MAP3K5: variants seen among roughly 807,000 people sequenced by gnomAD.
The protein encoded by MAP3K5 is mitogen-activated protein kinase kinase kinase 5.
Under a neutral mutation model 158.7 loss-of-function variants are expected in MAP3K5, and 56 were observed. The ratio of observed to expected loss-of-function variants is 0.35; its 90% CI spans 0.28 to 0.44. The LOEUF (loss-of-function observed/expected upper bound fraction) is 0.44, where lower values mean the gene tolerates loss of function less well. MAP3K5 is among the 20% of genes least tolerant of loss of function. MAP3K5 has a pLI of 1.00. For missense variants in MAP3K5, 1,294 were observed against 1,674.8 expected (o/e 0.77, Z 3.97); for synonymous variants, 579 against 601.7 (o/e 0.96, Z 0.55).
At chr6:136,700,817 G>C (rs376083306) in intron 3 of MAP3K5, among the ~76,000 whole-genome samples, 1 of 152,148 alleles carries the variant, frequency 6.6e-6, no homozygotes, top group African/African-American at 2.4e-5. Flanking sequence ...AAAAATCATA[G>C]AAAAAGGCAG....
At chr6:136,737,417 C>T (rs1181280854) in intron 1 of MAP3K5, among the ~76,000 whole-genome samples, 1 of 152,120 alleles carries the variant, frequency 6.6e-6, no homozygotes, top group African/African-American at 2.4e-5. Flanking sequence ...GCCAGCCACA[C>T]AGAGATGAAG....
At chr6:136,666,067 T>G (rs1222522995) in intron 8 of MAP3K5, among the ~76,000 whole-genome samples, 1 of 152,128 alleles carries the variant, frequency 6.6e-6, no homozygotes, top group Non-Finnish European at 1.5e-5. Context: ...TTAGCTAAAG[T>G]TTGAATATTA....
chr6:136,664,997 G>C (rs1469121456), intron 8 of MAP3K5, among the ~76,000 whole-genome samples: 1 of 152,080 alleles, frequency 6.6e-6, no homozygotes. Flanking sequence ...TCATAATAAA[G>C]TCCTAAGGGC....
At position 136,559,389 on chromosome 6, in the gene MAP3K5, C is replaced by A. The variant is rs28501354; in HGVS notation, c.3988-513G>T. On this transcript the variant is annotated intron_variant, in intron 28 of 29. Coordinates refer to ENST00000359015, the MANE Select transcript of MAP3K5 (RefSeq NM_005923.4). ...ACAAAAACAAAAACAAAAACAAAAA[C>A]AAGAAATGCATCCATATTAACTTCC... 5.9e-5 allele frequency among the ~76,000 whole-genome samples: 6 copies of A among 102,202 alleles called. No homozygotes were observed. In the East Asian group the frequency reaches 1.3e-3, roughly 23 times the overall value. The allele number at this position is 102,202 out of a possible 152,430, so 67.0% of individuals were successfully genotyped here.
chr6:136,652,982 G>C (rs1778585803), intron 10 of MAP3K5, among the ~76,000 whole-genome samples: 1 of 152,140 alleles, frequency 6.6e-6, no homozygotes. Flanking sequence ...ATATATTCTT[G>C]CTTTTAGTTC....
In MAP3K5 at chr6:136,611,377, A is replaced by G; in HGVS notation, c.2426T>C (p.Val809Ala). 6.3e-7 allele frequency: 1 copy of G among 1,592,690 alleles called. No individual in the cohort carries two copies. The highest frequency in any genetic ancestry group is 1.3e-5 in the African/African-American group (1 of 74,586). Residue 809 changes from valine (V) to alanine (A), a missense_variant, in exon 18 of 30, where the codon GTG becomes GCG. Val to Ala is a moderately conservative substitution (Grantham distance 64, BLOSUM62 0). This residue lies in a region of MAP3K5 where 362 missense variants were observed against 463.2 expected (regional missense o/e 0.78). Coordinates refer to ENST00000359015, the MANE Select transcript of MAP3K5 (RefSeq NM_005923.4). ...IVHRDIKGDN[V>A]LINTYSGVLK... is the part of the protein sequence containing the mutation. Reference sequence around the variant, plus strand: ...AACACCACTGTAGGTATTAATCAACACATTGTCACCCTAGAGAACAGAGGA... The same window carrying G: ...AACACCACTGTAGGTATTAATCAACGCATTGTCACCCTAGAGAACAGAGGA...
chr6:136,705,051 A>G, intron 3 of MAP3K5, 59 bp downstream of exon 3: 1 of 800,176 alleles, frequency 1.2e-6, no homozygotes. Flanking sequence ...AATACCAAAG[A>G]TTAGTTAATG....
intron 26 of MAP3K5, among the ~76,000 whole-genome samples, chr6:136,564,712 A>T (rs1215417222): frequency 1.3e-5 from 2 of 152,238 alleles, no homozygotes; most frequent in Non-Finnish European, 2.9e-5. Context: ...AAAGTGAATG[A>T]AATATGGCCT....
intron 29 of MAP3K5, 57 bp downstream of exon 29, chr6:136,558,743 C>T: frequency 3.5e-6 from 4 of 1,150,974 alleles, no homozygotes; most frequent in Non-Finnish European, 5.2e-6. Flanking sequence ...GATACTCAGA[C>T]TTTTTGATAT....
At chr6:136,629,734 G>A (rs945723097) in intron 14 of MAP3K5, among the ~76,000 whole-genome samples, 6 of 150,198 alleles carry the variant, frequency 4.0e-5, no homozygotes, top group Non-Finnish European at 7.4e-5. Flanking sequence ...GATTACAGGT[G>A]TGAGCCATGG....
chr6:136,768,575 C>T (rs1031990443), intron 1 of MAP3K5, among the ~76,000 whole-genome samples: 3 of 152,138 alleles, frequency 2.0e-5, no homozygotes, highest in African/African-American at 4.8e-5. Context: ...GAAACTGGAA[C>T]CTTCATTCAT....
At chr6:136,621,388 C>T (rs1776793464) in intron 15 of MAP3K5, among the ~76,000 whole-genome samples, 1 of 152,106 alleles carries the variant, frequency 6.6e-6, no homozygotes, top group Admixed American at 6.5e-5. Context: ...AATCTGATAA[C>T]TCTAATATCC....
chr6:136,603,044 A>T (rs978204351), intron 19 of MAP3K5, among the ~76,000 whole-genome samples: 2 of 152,186 alleles, frequency 1.3e-5, no homozygotes, highest in African/African-American at 4.8e-5. Flanking sequence ...GCTTATGTAA[A>T]TTCATTGTAA....
intron 1 of MAP3K5, among the ~76,000 whole-genome samples, chr6:136,786,997 G>A (rs997283841): frequency 2.6e-5 from 4 of 151,918 alleles, no homozygotes; most frequent in Non-Finnish European, 5.9e-5. Flanking sequence ...TGTTTCCCAT[G>A]TAAACGTTGA....
At position 136,592,493 on chromosome 6, in the gene MAP3K5, T is replaced by A. The variant is rs1469784853; in HGVS notation, c.3000A>T (p.Thr1000=). 6.2e-7 allele frequency: 1 copy of A among 1,614,006 alleles called. No homozygotes were observed. Among genetic ancestry groups the A allele is most frequent in the Non-Finnish European group, 8.5e-7 (1 of 1,180,016 alleles). The change falls in exon 22 of 30, where the codon ACA becomes ACT. Residue 1000 remains threonine, a synonymous_variant. Transcript: ENST00000359015. ...ELKVDPFSFK[T]RAKSCGERDV... ...CTCTTTCTCCGCAGGACTTGGCTCT[T>A]GTTTTGAAAGAGAAGGGGTCCACTT...
intron 21 of MAP3K5, 134 bp downstream of exon 21, chr6:136,600,888 G>T: frequency 1.3e-6 from 1 of 771,306 alleles, no homozygotes; most frequent in Non-Finnish European, 2.1e-6. Context: ...CATCCTTATA[G>T]TATCTAGTAC....
intron 1 of MAP3K5, among the ~76,000 whole-genome samples, chr6:136,746,699 C>T (rs1295370657): frequency 6.6e-6 from 1 of 151,904 alleles, no homozygotes; most frequent in Non-Finnish European, 1.5e-5. Flanking sequence ...TTCCTTTTTG[C>T]AATAAAAAAG....
At chr6:136,670,362 A>T (rs1227390087) in intron 7 of MAP3K5, among the ~76,000 whole-genome samples, 1 of 152,272 alleles carries the variant, frequency 6.6e-6, no homozygotes, top group Middle Eastern at 3.4e-3. Context: ...TAAATGCCCT[A>T]GTGACTAAGA....
intron 21 of MAP3K5, among the ~76,000 whole-genome samples, chr6:136,598,142 C>G (rs1009183369): frequency 1.4e-4 from 21 of 152,254 alleles, no homozygotes; most frequent in African/African-American, 5.1e-4. Context: ...CATCCCTCCC[C>G]TTTTACTTTA....
Sources: gnomAD v4.1 joint callset for allele counts (sites outside exome capture counted in the v4.1 genomes callset) on GRCh38, gnomAD v4.1.1 for gene constraint, gnomAD v4.1.1 regional missense constraint, MANE v1.5 for transcripts, NCBI Gene and HGNC (gene_info 2026-07-23, HGNC 2026-07-21) for gene names.